Variants in PDXK observed in about 807,000 individuals in gnomAD.
The protein encoded by PDXK is epididymis secretory sperm binding protein Li 1a.
In PDXK, 15 loss-of-function variants were observed where a neutral mutation model predicts 43.2. That is an observed-to-expected ratio of 0.35 (90% CI 0.23 to 0.53). PDXK has a LOEUF of 0.53. Ranked by LOEUF, PDXK falls within the 20% of genes least tolerant of loss-of-function variation. The probability of loss-of-function intolerance (pLI) is 0.92; values close to 1 mark genes in which losing one functional copy is unlikely to be tolerated. For synonymous variants in PDXK, 172 were observed against 165.4 expected (o/e 1.04, Z -0.31); for missense variants, 343 against 417.0 (o/e 0.82, Z 1.54).
intron 1 of PDXK, among the ~76,000 whole-genome samples, chr21:43,731,813 A>G (rs1269363022): frequency 2.0e-5 from 3 of 152,250 alleles, no homozygotes; most frequent in Non-Finnish European, 4.4e-5. Context: ...TTGTTCAGCC[A>G]GGTATTGAGA....
Position 43,734,437 on chromosome 21 carries a change from A to G in PDXK, c.142+314A>G, listed in dbSNP as rs891025742. On this transcript the variant is annotated intron_variant, in intron 2 of 10. Transcript: ENST00000291565. This position sits in a 1 kb window ranked among gnomAD's most constrained non-coding sequence, Gnocchi z 5.0. Reference sequence around the variant, plus strand: ...TCTGTAAGACAGGAGGGCAATCCTAACACCTGCCGTGAGGTTGCCAGAGTT... The same window carrying G: ...TCTGTAAGACAGGAGGGCAATCCTAGCACCTGCCGTGAGGTTGCCAGAGTT... Among the ~76,000 whole-genome samples, 1 of 152,070 alleles carries G rather than the reference A, an allele frequency of 6.6e-6. No individual in the cohort carries two copies. Among genetic ancestry groups the G allele is most frequent in the Non-Finnish European group, 1.5e-5 (1 of 67,994 alleles).
chr21:43,741,589 T>G (rs781002247), intron 2 of PDXK, 78 bp from the exon 3 acceptor site: 1 of 1,573,562 alleles, frequency 6.4e-7, no homozygotes, highest in East Asian at 2.3e-5. Flanking sequence ...TCAGGGAGAG[T>G]GGGCGGGTGT....
chr21:43,745,955 C>A, intron 4 of PDXK, 124 bp from the exon 5 acceptor site: 1 of 771,618 alleles, frequency 1.3e-6, no homozygotes, highest in Non-Finnish European at 2.3e-6. Flanking sequence ...CATGATTGCA[C>A]CACTGCACTC....
In PDXK at chr21:43,719,278, C is replaced by T. The variant is rs1016679326; in HGVS notation, c.-17C>T. 7.0e-7 allele frequency: 1 copy of T among 1,424,102 alleles called. No individual in the cohort carries two copies. Among genetic ancestry groups the T allele is most frequent in the Non-Finnish European group, 9.3e-7 (1 of 1,080,432 alleles). 88.2% of individuals were successfully genotyped at this position (1,424,102 alleles called of 1,614,324 possible). On this transcript the variant is annotated 5_prime_UTR_variant, in exon 1 of 11. Transcript: ENST00000291565. ...GTGCCCCCGCCTCGGCCCCGCGCCGCCGCGGCCAGGCCCGGCATGGAGGAG... is the reference window on the plus strand; with the variant it reads ...GTGCCCCCGCCTCGGCCCCGCGCCGTCGCGGCCAGGCCCGGCATGGAGGAG...
Position 43,756,090 on chromosome 21 carries a change from C to T in PDXK, c.*27C>T. 4 of 1,325,496 alleles carry T rather than the reference C, an allele frequency of 3.0e-6. No individual in the cohort carries two copies. The highest frequency in any genetic ancestry group is 4.3e-6 in the Non-Finnish European group (4 of 926,272). The allele number at this position is 1,325,496 out of a possible 1,614,324, so 82.1% of individuals were successfully genotyped here. Reference sequence around the variant, plus strand: ...GGCCCCGCCGCTTGCCCGTGACACGCAGCGCGTTGGTGTCTCCGTGTTTGT... The same window carrying T: ...GGCCCCGCCGCTTGCCCGTGACACGTAGCGCGTTGGTGTCTCCGTGTTTGT... On this transcript the variant is annotated 3_prime_UTR_variant, in exon 11 of 11. Transcript: ENST00000291565.
chr21:43,726,012 TTCTCTCTCTCTCTC>T (rs60147387), intron 1 of PDXK, among the ~76,000 whole-genome samples: 1 of 147,750 alleles, frequency 6.8e-6, no homozygotes, highest in Non-Finnish European at 1.5e-5. Context: ...CTAGCTGGGA[TTCTCTCTCTCTCTC>T]TCTCTCTCTC....
chr21:43,749,234 A>G (rs1410190949), intron 6 of PDXK, among the ~76,000 whole-genome samples, 154 bp downstream of exon 6: 2 of 152,156 alleles, frequency 1.3e-5, no homozygotes, highest in East Asian at 3.8e-4. Flanking sequence ...CCTCCCGAGT[A>G]GCTGGGATGA....
intron 5 of PDXK, among the ~76,000 whole-genome samples, chr21:43,748,081 T>C (rs981691050): frequency 6.6e-6 from 1 of 152,056 alleles, no homozygotes; most frequent in Non-Finnish European, 1.5e-5. Flanking sequence ...CAAAGTGAAG[T>C]GAAGGGATTG....
At chr21:43,744,502 C>T (rs2083602616) in intron 4 of PDXK, 1 of 152,566 alleles carries the variant, frequency 6.6e-6, no homozygotes, top group Non-Finnish European at 1.5e-5. Context: ...CGTGTGAGGC[C>T]CGGATTGTGT....
rs909888392 is a variant in PDXK, at chr21:43,738,026, C to A, written c.143-3641C>A. 39 of 985,338 alleles carry A rather than the reference C, an allele frequency of 4.0e-5. No homozygotes were observed. In the Middle Eastern group the frequency reaches 1.5e-3, roughly 39 times the overall value. The allele number at this position is 985,338 out of a possible 1,614,324, so 61.0% of individuals were successfully genotyped here. ...GGGGCCTGGGGCCTGTGTCTGAGAC[C>A]CGGCCAAGTGCTGGACGTCTCCCCT... On this transcript the variant is annotated intron_variant, in intron 2 of 10. Transcript: ENST00000291565.
chr21:43,724,980 T>C (rs990629700), intron 1 of PDXK, among the ~76,000 whole-genome samples: 2 of 152,086 alleles, frequency 1.3e-5, no homozygotes, highest in African/African-American at 4.8e-5. Context: ...AGTGGCCTCT[T>C]CTTCAGAGAT....
chr21:43,726,846 ATG>A (rs1410338652), intron 1 of PDXK, among the ~76,000 whole-genome samples: 1 of 151,356 alleles, frequency 6.6e-6, no homozygotes, highest in Non-Finnish European at 1.5e-5. Flanking sequence ...GTGGGTGTGC[ATG>A]TGTGTACATG....
chr21:43,732,552 A>G lies in PDXK; in HGVS notation c.88-1517A>G, dbSNP rs1042895493. The G allele has an allele frequency of 1.0e-6, 1 of 983,924 alleles. No individual in the cohort carries two copies. Among genetic ancestry groups the G allele is most frequent in the Admixed American group, 1.7e-5 (1 of 59,268 alleles). 60.9% of individuals were successfully genotyped at this position (983,924 alleles called of 1,614,324 possible). A position where few individuals can be genotyped will look rare whatever the true frequency, so the allele number is the denominator to read the frequency against. On this transcript the variant is annotated intron_variant, in intron 1 of 10. Coordinates refer to ENST00000291565, the MANE Select transcript of PDXK (RefSeq NM_003681.5). The surrounding 1 kb of genome is among the most constrained non-coding windows in gnomAD (Gnocchi z 4.1). The stretch of plus-strand genomic sequence containing the variant: ...ATACGTTTGCCAGCCCCAAAGGATT[A>G]ATTATCTACACACCCAGAAGCAGTG...
intron 1 of PDXK, among the ~76,000 whole-genome samples, chr21:43,725,946 T>C (rs960622377): frequency 2.6e-5 from 4 of 152,172 alleles, no homozygotes; most frequent in African/African-American, 9.7e-5. Flanking sequence ...CTGAGTGTCC[T>C]CGGAACGTTC....
chr21:43,731,200 G>A (rs1159398724), intron 1 of PDXK, among the ~76,000 whole-genome samples: 1 of 152,118 alleles, frequency 6.6e-6, no homozygotes, highest in Non-Finnish European at 1.5e-5. Context: ...TCTGGCAATC[G>A]CGTGGCCCAA....
At chr21:43,724,437 T>C (rs1299724387) in intron 1 of PDXK, among the ~76,000 whole-genome samples, 1 of 152,092 alleles carries the variant, frequency 6.6e-6, no homozygotes, top group Non-Finnish European at 1.5e-5. Flanking sequence ...TTGAGCAGCA[T>C]GTGGACGCGA....
chr21:43,729,979 AAAAC>A (rs558741651), intron 1 of PDXK, among the ~76,000 whole-genome samples: 233 of 152,156 alleles, frequency 1.5e-3, no homozygotes, highest in African/African-American at 5.3e-3. Context: ...AAAAAAACAA[AAAAC>A]AAAAAATGGT....
At chr21:43,740,032 C>A (rs1401681132) in intron 2 of PDXK, among the ~76,000 whole-genome samples, 1 of 151,904 alleles carries the variant, frequency 6.6e-6, no homozygotes, top group Non-Finnish European at 1.5e-5. Context: ...TGACTGTTAA[C>A]CCAGAGTCCA....
At position 43,719,228 on chromosome 21, in the gene PDXK, G is replaced by GGAGCCC. The variant is rs1568969251; in HGVS notation, c.-62_-57dup. 1.1e-5 allele frequency: 10 copies of GGAGCCC among 935,992 alleles called. No individual in the cohort carries two copies. The highest frequency in any genetic ancestry group is 1.4e-5 in the Non-Finnish European group (10 of 707,086). 58.0% of individuals were successfully genotyped at this position (935,992 alleles called of 1,614,324 possible). ...CCGGAGCCCGAGCCCGAGCCGAGCC[G>GGAGCCC]GAGCCCGAGCGAGCGGCGGAGACCG... On this transcript the variant is annotated 5_prime_UTR_variant, in exon 1 of 11. Coordinates refer to ENST00000291565, the MANE Select transcript of PDXK (RefSeq NM_003681.5).
Sources: allele counts gnomAD v4.1 joint callset (sites outside exome capture counted in the v4.1 genomes callset), GRCh38; gene constraint gnomAD v4.1.1; non-coding constraint Gnocchi (gnomAD v3.1); transcripts MANE v1.5; gene names NCBI Gene and HGNC (gene_info 2026-07-23, HGNC 2026-07-21).